Variants in RBFOX1 observed in about 807,000 individuals in gnomAD.
RBFOX1 encodes RNA binding fox-1 homolog 1, also known as RNA binding protein fox-1 homolog 1.
Under a neutral mutation model 57.7 loss-of-function variants are expected in RBFOX1, and 8 were observed. The ratio of observed to expected loss-of-function variants is 0.14; its 90% CI spans 0.08 to 0.25. The LOEUF (loss-of-function observed/expected upper bound fraction) is 0.25, where lower values mean the gene tolerates loss of function less well. Ranked by LOEUF, RBFOX1 falls within the 10% of genes least tolerant of loss-of-function variation. The pLI is 1.00. For synonymous variants in RBFOX1, 326 were observed against 222.4 expected, an observed-to-expected ratio of 1.47 and a Z score of -4.15; for missense variants, 611 against 548.5, an observed-to-expected ratio of 1.11 and a Z score of -1.14.
At chr16:7,056,364 C>A (rs1322082270) in intron 4 of RBFOX1, among the ~76,000 whole-genome samples, 1 of 152,152 alleles carries the variant, frequency 6.6e-6, no homozygotes, top group Non-Finnish European at 1.5e-5. Flanking sequence ...GCTTGCAATT[C>A]ACATTATTGG....
At position 5,377,345 on chromosome 16, in the gene RBFOX1, C is replaced by G. The variant is rs114300343; in HGVS notation, c.220-89871C>G. 1.1e-3 allele frequency among the ~76,000 whole-genome samples: 163 copies of G among 151,374 alleles called. 11 individuals carry two copies. The highest frequency in any genetic ancestry group is 3.9e-3 in the African/African-American group (159 of 40,718). ...CTTTTCATGGAGAAGTCAAGAAAGC[C>G]CCCTTGAGATGGGGTCACGTAAGCA... On this transcript the variant is annotated intron_variant, in intron 1 of 2. Transcript: ENST00000585867.
intron 4 of RBFOX1, among the ~76,000 whole-genome samples, chr16:7,294,004 A>G (rs776900620): frequency 6.6e-6 from 1 of 152,180 alleles, no homozygotes; most frequent in Non-Finnish European, 1.5e-5. Flanking sequence ...TACTTTAAAG[A>G]TAAAATTTCT....
At chr16:6,155,625 T>C (rs1274026910) in intron 1 of RBFOX1, among the ~76,000 whole-genome samples, 1 of 152,150 alleles carries the variant, frequency 6.6e-6, no homozygotes, top group Non-Finnish European at 1.5e-5. Flanking sequence ...CTTTAAGGTC[T>C]CAAAGCAAAC....
intron 2 of RBFOX1, among the ~76,000 whole-genome samples, chr16:6,619,055 G>A (rs2098185862): frequency 6.6e-6 from 1 of 152,140 alleles, no homozygotes; most frequent in African/African-American, 2.4e-5. Flanking sequence ...GTGGACAGTG[G>A]TGATGCCACG....
chr16:6,349,539 C>A (rs960751627), intron 2 of RBFOX1, among the ~76,000 whole-genome samples: 1 of 152,130 alleles, frequency 6.6e-6, no homozygotes. Context: ...ACTTCTTGAC[C>A]TATGTCATTA....
intron 5 of RBFOX1, among the ~76,000 whole-genome samples, chr16:7,544,262 T>C (rs2083795349): frequency 6.6e-6 from 1 of 152,194 alleles, no homozygotes; most frequent in Admixed American, 6.5e-5. Flanking sequence ...GAAGTGAACG[T>C]TGGAGTCAGG....
intron 3 of RBFOX1, among the ~76,000 whole-genome samples, chr16:6,860,541 T>G (rs1159933427): frequency 1.3e-5 from 2 of 152,204 alleles, no homozygotes; most frequent in Non-Finnish European, 2.9e-5. Flanking sequence ...GCATGTAGTT[T>G]TGAGATATTT....
At chr16:7,346,601 A>T (rs940548171) in intron 4 of RBFOX1, among the ~76,000 whole-genome samples, 1 of 151,702 alleles carries the variant, frequency 6.6e-6, no homozygotes, top group Non-Finnish European at 1.5e-5. Flanking sequence ...CTCGTTGCTG[A>T]CACATCATGG....
chr16:7,186,671 A>G (rs1412916083), intron 4 of RBFOX1, among the ~76,000 whole-genome samples: 1 of 148,062 alleles, frequency 6.8e-6, no homozygotes, highest in Non-Finnish European at 1.5e-5. Flanking sequence ...GTATATTTAT[A>G]TACATACTTA....
intron 1 of RBFOX1, among the ~76,000 whole-genome samples, chr16:6,266,508 G>T (rs2074511283): frequency 6.6e-6 from 1 of 152,142 alleles, no homozygotes; most frequent in Non-Finnish European, 1.5e-5. Flanking sequence ...GAGGTCAGGA[G>T]TTCGAGACCA....
chr16:5,521,133 C>G (rs1249797734), intron 2 of RBFOX1, among the ~76,000 whole-genome samples: 1 of 152,142 alleles, frequency 6.6e-6, no homozygotes, highest in Non-Finnish European at 1.5e-5. Context: ...TGGGTGGTTG[C>G]AGTCTGGCTT....
At chr16:7,361,535 C>T (rs151003324) in intron 4 of RBFOX1, among the ~76,000 whole-genome samples, 2 of 152,054 alleles carry the variant, frequency 1.3e-5, no homozygotes, top group East Asian at 1.9e-4. Context: ...CAGGTGAGTC[C>T]GAAGGTGGCA....
intron 4 of RBFOX1, among the ~76,000 whole-genome samples, chr16:7,440,590 A>G (rs886212698): frequency 7.2e-5 from 11 of 152,160 alleles, no homozygotes; most frequent in African/African-American, 2.4e-4. Context: ...TGATTTTCAT[A>G]CTTTTAATCT....
intron 2 of RBFOX1, among the ~76,000 whole-genome samples, chr16:6,634,053 T>C (rs1374702296): frequency 6.6e-6 from 1 of 151,544 alleles, no homozygotes; most frequent in African/African-American, 2.4e-5. Context: ...ATGCATTTCT[T>C]ATTGAATAAA....
chr16:7,646,659 G>A lies in RBFOX1; in HGVS notation c.758-7156G>A, dbSNP rs530003219. ...GCAAAGAATAATTGCCCATTAAAGC[G>A]GTTGTATATTTTTATGGCTTTGGTG... On this transcript the variant is annotated intron_variant, in intron 11 of 15. Coordinates refer to ENST00000550418, the MANE Select transcript of RBFOX1 (RefSeq NM_018723.4). Among the ~76,000 whole-genome samples the A allele has an allele frequency of 1.6e-4, 24 of 152,312 alleles. No individual in the cohort carries two copies. The South Asian group carries it at 2.1e-3, about 13-fold the overall frequency.
intron 1 of RBFOX1, chr16:5,366,250 A>T (rs191900701): frequency 4.9e-6 from 2 of 410,676 alleles, no homozygotes; most frequent in East Asian, 1.2e-4. Flanking sequence ...GTTCCACAGA[A>T]AAAAGTAAAA....
At position 6,535,697 on chromosome 16, in the gene RBFOX1, CT is replaced by C. The variant is rs374181342; in HGVS notation, c.-63-118903del. ...TCCTGACCCATGGACATTTTTGAGG[CT>C]TTAAGCCACAGCCCTTCGAGCAAGG... is the stretch of plus-strand genomic sequence containing the variant. On this transcript the variant is annotated intron_variant, in intron 2 of 15. Coordinates refer to ENST00000550418, the MANE Select transcript of RBFOX1 (RefSeq NM_018723.4). Among the ~76,000 whole-genome samples the C allele has an allele frequency of 9.9e-5, 15 of 152,278 alleles. No homozygotes were observed. In the East Asian group the frequency reaches 2.9e-3, roughly 29 times the overall value.
At chr16:7,479,274 C>A (rs868268349) in intron 4 of RBFOX1, among the ~76,000 whole-genome samples, 2 of 151,934 alleles carry the variant, frequency 1.3e-5, no homozygotes, top group Non-Finnish European at 2.9e-5. Context: ...CAGGCATGCA[C>A]CACCACACTG....
chr16:6,668,652 G>C (rs77356242), intron 3 of RBFOX1, among the ~76,000 whole-genome samples: 28 of 152,048 alleles, frequency 1.8e-4, no homozygotes, highest in African/African-American at 6.8e-4. Context: ...CATATAACTA[G>C]GGTTATGTTT....
Sources: allele counts gnomAD v4.1 joint callset (sites outside exome capture counted in the v4.1 genomes callset), GRCh38; gene constraint gnomAD v4.1.1; transcripts MANE v1.5; gene names NCBI Gene and HGNC (gene_info 2026-07-23, HGNC 2026-07-21).